DNAH11: variants seen among roughly 807,000 people sequenced by gnomAD.
DNAH11 encodes the protein dynein axonemal heavy chain 11, also known as axonemal beta dynein heavy chain 11.
A neutral mutation model predicts 526.0 loss-of-function variants in DNAH11; 442 were observed. The ratio of observed to expected loss-of-function variants is 0.84; its 90% CI spans 0.78 to 0.91. The LOEUF is 0.91. Among genes scored for constraint, DNAH11 ranks in the 40% least tolerant of loss-of-function variants. The pLI is 0.00. For synonymous variants in DNAH11, 2,461 were observed against 1,935.9 expected (o/e 1.27, Z -7.12); for missense variants, 6,989 against 5,448.7 (o/e 1.28, Z -8.90).
At chr7:21,846,117 A>T (rs1280915677) in intron 66 of DNAH11, among the ~76,000 whole-genome samples, 2 of 152,206 alleles carry the variant, frequency 1.3e-5, no homozygotes, top group Non-Finnish European at 2.9e-5. Context: ...TATTAGTTGC[A>T]AGAGGCCTTA....
intron 21 of DNAH11, 120 bp from the exon 22 acceptor site, chr7:21,616,089 T>TA: frequency 1.3e-6 from 1 of 752,978 alleles, no homozygotes; most frequent in Non-Finnish European, 2.2e-6. Context: ...GTTAATATTT[T>TA]AAAAATTGAC....
chr7:21,781,296 C>G (rs938406693), intron 57 of DNAH11, among the ~76,000 whole-genome samples: 9 of 152,100 alleles, frequency 5.9e-5, no homozygotes, highest in African/African-American at 1.9e-4. Flanking sequence ...AATGTCTTGC[C>G]GTGAACCTTG....
At chr7:21,556,083 T>A (rs1458463941) in intron 2 of DNAH11, among the ~76,000 whole-genome samples, 1 of 152,222 alleles carries the variant, frequency 6.6e-6, no homozygotes, top group African/African-American at 2.4e-5. Flanking sequence ...AGTTGAGTAC[T>A]ATGGGGTTAC....
intron 5 of DNAH11, among the ~76,000 whole-genome samples, chr7:21,561,872 C>CT (rs1186834819): frequency 6.6e-6 from 1 of 152,090 alleles, no homozygotes; most frequent in Non-Finnish European, 1.5e-5. Flanking sequence ...GGACAAGTAA[C>CT]TTTTTTTGTT....
Position 21,588,620 on chromosome 7 carries a change from G to T in DNAH11, c.1957G>T (p.Ala653Ser). ...QRLQMFWSNF[A>S]SLRYLFLGNP... ...ACTTCAAATGTTTTGGTCAAACTTCGCATCTCTCCGTTATCTGTAAGTAGT... is the reference window on the plus strand; with the variant it reads ...ACTTCAAATGTTTTGGTCAAACTTCTCATCTCTCCGTTATCTGTAAGTAGT... Residue 653 changes from alanine (A) to serine (S), a missense_variant, in exon 11 of 82, where the codon GCA (alanine) becomes TCA (serine). Coordinates refer to ENST00000409508, the MANE Select transcript of DNAH11 (RefSeq NM_001277115.2). 1 of 1,613,350 alleles carries T rather than the reference G, an allele frequency of 6.2e-7. No homozygotes were observed.
At chr7:21,738,193 A>G (rs758114716) in intron 46 of DNAH11, among the ~76,000 whole-genome samples, 1 of 152,206 alleles carries the variant, frequency 6.6e-6, no homozygotes, top group East Asian at 1.9e-4. Flanking sequence ...AAGTTTATGT[A>G]TTCACGGATA....
chr7:21,847,596 T>C (rs542512070), intron 66 of DNAH11, among the ~76,000 whole-genome samples: 1 of 152,326 alleles, frequency 6.6e-6, no homozygotes, highest in African/African-American at 2.4e-5. Flanking sequence ...ACTTGGTCCA[T>C]CTTGGCAAAT....
intron 31 of DNAH11, among the ~76,000 whole-genome samples, chr7:21,683,224 A>T (rs1562488498): frequency 6.6e-6 from 1 of 152,204 alleles, no homozygotes; most frequent in Non-Finnish European, 1.5e-5. Context: ...CAAGGGTCAC[A>T]TTTATCTTGA....
chr7:21,600,480 C>A (rs1409091873), intron 15 of DNAH11, among the ~76,000 whole-genome samples, 196 bp from the exon 16 acceptor site: 2 of 151,784 alleles, frequency 1.3e-5, no homozygotes, highest in Non-Finnish European at 2.9e-5. Flanking sequence ...ACACAAAAAA[C>A]CACCAGAAAA....
intron 49 of DNAH11, among the ~76,000 whole-genome samples, chr7:21,743,777 C>T (rs111308255): frequency 1.3e-3 from 202 of 152,330 alleles, no homozygotes; most frequent in African/African-American, 4.5e-3. Context: ...ACTGCCTGCT[C>T]ACCCTTCATA....
At chr7:21,875,528 T>G (rs1783671306) in intron 74 of DNAH11, among the ~76,000 whole-genome samples, 1 of 152,136 alleles carries the variant, frequency 6.6e-6, no homozygotes, top group Non-Finnish European at 1.5e-5. Flanking sequence ...CCAGACACAG[T>G]GCCTCATGCC....
At chr7:21,597,130 T>TGGGCCTGGAAG (rs956780918) in intron 14 of DNAH11, among the ~76,000 whole-genome samples, 3 of 58,546 alleles carry the variant, frequency 5.1e-5, no homozygotes, top group African/African-American at 1.2e-4. Flanking sequence ...CATGGAATAT[T>TGGGCCTGGAAG]GGGCCTGAGT....
chr7:21,896,359 G>A (rs1784516346), intron 79 of DNAH11, among the ~76,000 whole-genome samples: 1 of 152,124 alleles, frequency 6.6e-6, no homozygotes, highest in African/African-American at 2.4e-5. Flanking sequence ...TTACTTATAC[G>A]TAGAATTATA....
rs766993437 is a variant in DNAH11, at chr7:21,606,666, G to C, written c.3785G>C (p.Arg1262Thr). 6.5e-7 allele frequency: 1 copy of C among 1,547,238 alleles called. No homozygotes were observed. Among genetic ancestry groups the C allele is most frequent in the Non-Finnish European group, 8.8e-7 (1 of 1,134,170 alleles). ...ILFDAKQAEFRERFRHYAPLG... is the reference protein window; with the variant it reads ...ILFDAKQAEFTERFRHYAPLG... ...GATCAGGCAAAGCAGGCAGAGTTCA[G>C]AGAGAGATTCAGACACTATGCCCCT... The change falls in exon 20 of 82, where the codon AGA becomes ACA. Residue 1262 changes from arginine (R) to threonine (T), a missense_variant. Coordinates refer to ENST00000409508, the MANE Select transcript of DNAH11 (RefSeq NM_001277115.2).
In DNAH11 at chr7:21,545,098, T is replaced by C. The variant is rs930817553; in HGVS notation, c.444T>C (p.Phe148=). ...ATGACTTTTCTCAAGTGGTTTTATTTGGAGAGTTACCTGCGTTGTCTCTTG... is the reference window on the plus strand; with the variant it reads ...ATGACTTTTCTCAAGTGGTTTTATTCGGAGAGTTACCTGCGTTGTCTCTTG... ...GVNDFSQVVL[F]GELPALSLGH... is the part of the protein sequence containing the mutation. The change falls in exon 2 of 82, where the codon TTT becomes TTC. Residue 148 remains phenylalanine, a synonymous_variant. Coordinates refer to ENST00000409508, the MANE Select transcript of DNAH11 (RefSeq NM_001277115.2). The C allele has an allele frequency of 5.6e-6, 9 of 1,610,542 alleles. No homozygotes were observed. The Admixed American group carries it at 1.5e-4, about 27-fold the overall frequency.
intron 57 of DNAH11, among the ~76,000 whole-genome samples, chr7:21,781,729 C>G (rs78318833): frequency 6.6e-6 from 1 of 152,100 alleles, no homozygotes; most frequent in Admixed American, 6.6e-5. Context: ...GCACTGTATC[C>G]ACTTGCTAAG....
chr7:21,549,316 A>T (rs2128426935), intron 2 of DNAH11, among the ~76,000 whole-genome samples: 1 of 152,332 alleles, frequency 6.6e-6, no homozygotes, highest in South Asian at 2.1e-4. Flanking sequence ...TCCACAGCAC[A>T]TGCATAACAC....
At chr7:21,798,200 A>G (rs1052763460) in intron 61 of DNAH11, among the ~76,000 whole-genome samples, 2 of 152,124 alleles carry the variant, frequency 1.3e-5, no homozygotes, top group African/African-American at 4.8e-5. Flanking sequence ...GGTTCAAGCA[A>G]TTCTTGTGCC....
intron 60 of DNAH11, among the ~76,000 whole-genome samples, chr7:21,787,861 T>C (rs1484519954): frequency 1.3e-5 from 2 of 152,214 alleles, no homozygotes; most frequent in African/African-American, 2.4e-5. Flanking sequence ...ATTTTACTTA[T>C]TTACATTTAA....
Sources: gnomAD v4.1 joint callset for allele counts (sites outside exome capture counted in the v4.1 genomes callset) on GRCh38, gnomAD v4.1.1 for gene constraint, MANE v1.5 for transcripts, NCBI Gene and HGNC (gene_info 2026-07-23, HGNC 2026-07-21) for gene names.